The following CHD5 variants were observed in gnomAD, a reference collection of about 807,000 sequenced individuals.
CHD5 encodes chromodomain helicase DNA binding protein 5.
In CHD5, 69 loss-of-function variants were observed where a neutral mutation model predicts 230.3. The ratio of observed to expected loss-of-function variants is 0.30; its 90% CI spans 0.25 to 0.37. The LOEUF is 0.37. Among genes scored for constraint, CHD5 ranks in the 10% least tolerant of loss-of-function variants. CHD5 has a pLI of 1.00. For missense variants in CHD5, 1,827 were observed against 2,622.8 expected (o/e 0.70, Z 6.63); for synonymous variants, 1,064 against 1,065.9 (o/e 1.00, Z 0.03).
Position 6,130,351 on chromosome 1 carries a change from T to C in CHD5, c.3263-23A>G, listed in dbSNP as rs1666634981. ...GGGCTGAAAAAGAGAGGCCAGCAGA[T>C]GGGAGTGTTTGGGGGGGTACACCTT... On this transcript the variant is annotated intron_variant, in intron 21 of 41. Coordinates refer to ENST00000262450, the MANE Select transcript of CHD5 (RefSeq NM_015557.3). The surrounding 1 kb of genome is among the most constrained non-coding windows in gnomAD (Gnocchi z 4.9). 1.2e-6 allele frequency: 2 copies of C among 1,607,310 alleles called. No homozygotes were observed. Among genetic ancestry groups the C allele is most frequent in the African/African-American group, 2.7e-5 (2 of 74,004 alleles).
At chr1:6,171,030 GA>G (rs1667330448) in intron 1 of CHD5, among the ~76,000 whole-genome samples, 1 of 152,228 alleles carries the variant, frequency 6.6e-6, no homozygotes, top group South Asian at 2.1e-4. Flanking sequence ...ATGCAATCTC[GA>G]GGGGGGGCCT....
rs781663550 is a variant in CHD5, at chr1:6,112,964, G to T, written c.4947C>A (p.Asp1649Glu). Reference protein sequence around the residue: ...EVLPEKEKILDKLELSLIHSR... With the variant: ...EVLPEKEKILEKLELSLIHSR... ...TGTGGATCAAGCTCAGCTCCAGCTT[G>T]TCCAGGATCTTCTCCTTCTCAGGAA... Residue 1649 changes from aspartate to glutamate, a missense_variant, in exon 34 of 42, where the codon GAC becomes GAA. Asp to Glu is a conservative substitution (Grantham distance 45). This residue lies in a region of CHD5 where 272 missense variants were observed against 263.2 expected (regional missense o/e 1.03). Coordinates refer to ENST00000262450, the MANE Select transcript of CHD5 (RefSeq NM_015557.3). 4 of 1,613,982 alleles carry T rather than the reference G, an allele frequency of 2.5e-6. No homozygotes were observed. In the East Asian group the frequency reaches 8.9e-5, roughly 36 times the overall value.
intron 38 of CHD5, 122 bp downstream of exon 38, chr1:6,109,673 C>T (rs1666253790): frequency 3.7e-6 from 3 of 812,424 alleles, no homozygotes; most frequent in Non-Finnish European, 6.0e-6. Flanking sequence ...AAGTCCACCG[C>T]CCTCTGGGCT....
chr1:6,165,626 A>G (rs558051294), intron 2 of CHD5, among the ~76,000 whole-genome samples: 1 of 151,762 alleles, frequency 6.6e-6, no homozygotes, highest in South Asian at 2.1e-4. Context: ...CCTCCACCAG[A>G]CAGTCTCGGT....
intron 2 of CHD5, 45 bp from the exon 3 acceptor site, chr1:6,159,560 C>T: frequency 6.5e-7 from 1 of 1,538,004 alleles, no homozygotes; most frequent in Non-Finnish European, 8.9e-7. Context: ...GCCCCAGGAA[C>T]ATCCAGAGTC....
At position 6,159,341 on chromosome 1, in the gene CHD5, A is replaced by G; in HGVS notation, c.382T>C (p.Leu128=). 6.4e-7 allele frequency: 1 copy of G among 1,551,602 alleles called. No homozygotes were observed. Among genetic ancestry groups the G allele is most frequent in the Non-Finnish European group, 8.7e-7 (1 of 1,146,944 alleles). Residue 128 remains leucine, a synonymous_variant, in exon 3 of 42, where the codon TTA becomes CTA. Coordinates refer to ENST00000262450, the MANE Select transcript of CHD5 (RefSeq NM_015557.3). ...EDEDDNDDGC[L]KEPKSSGQLM... Reference sequence around the variant, plus strand: ...AGCCAGGCCTCCACAGTTACCTTTAAGCATCCATCATCATTATCATCCTCA... The same window carrying G: ...AGCCAGGCCTCCACAGTTACCTTTAGGCATCCATCATCATTATCATCCTCA...
intron 33 of CHD5, among the ~76,000 whole-genome samples, chr1:6,115,575 G>A (rs1666366873): frequency 6.6e-6 from 1 of 152,230 alleles, no homozygotes; most frequent in Non-Finnish European, 1.5e-5. Context: ...GACACACGAG[G>A]CTACATGGCA....
chr1:6,137,739 C>T (rs991612204), intron 15 of CHD5, among the ~76,000 whole-genome samples: 2 of 152,252 alleles, frequency 1.3e-5, no homozygotes, highest in Non-Finnish European at 2.9e-5. Context: ...AGGGACCCTG[C>T]ACTTGGGGTT....
In CHD5 at chr1:6,154,657, T is replaced by C; in HGVS notation, c.745+3A>G. 1.3e-6 allele frequency: 2 copies of C among 1,550,696 alleles called. No homozygotes were observed. The highest frequency in any genetic ancestry group is 8.7e-7 in the Non-Finnish European group (1 of 1,146,374). On this transcript the variant is annotated splice_donor_region_variant and intron_variant, in intron 5 of 41. Transcript: ENST00000262450. This position sits in a 1 kb window ranked among gnomAD's most constrained non-coding sequence, Gnocchi z 7.0. ...CTAGGTGCCCACCCAACCCCAGCCTTACCTTTGCCCTCCTTGGTCTTGGCC... is the reference window on the plus strand; with the variant it reads ...CTAGGTGCCCACCCAACCCCAGCCTCACCTTTGCCCTCCTTGGTCTTGGCC...
Position 6,125,464 on chromosome 1 carries a change from A to G in CHD5, c.4260+60T>C. On this transcript the variant is annotated intron_variant, in intron 28 of 41. Coordinates refer to ENST00000262450, the MANE Select transcript of CHD5 (RefSeq NM_015557.3). This position sits in a 1 kb window ranked among gnomAD's most constrained non-coding sequence, Gnocchi z 6.7. ...CGGGGCAGTCCCCCAGCCCTCCTCC[A>G]TACCCCAGGGGCAGCAGGAAGCAGG... The G allele has an allele frequency of 6.6e-7, 1 of 1,506,670 alleles. No individual in the cohort carries two copies. Among genetic ancestry groups the G allele is most frequent in the South Asian group, 1.2e-5 (1 of 82,590 alleles). The allele number at this position is 1,506,670 out of a possible 1,614,324, so 93.3% of individuals were successfully genotyped here.
In CHD5 at chr1:6,134,615, C is replaced by T; in HGVS notation, c.3012+103G>A. 4.0e-6 allele frequency: 5 copies of T among 1,249,584 alleles called. No homozygotes were observed. Among genetic ancestry groups the T allele is most frequent in the South Asian group, 1.3e-5 (1 of 77,614 alleles). The allele number at this position is 1,249,584 out of a possible 1,614,324, so 77.4% of individuals were successfully genotyped here. A position where few individuals can be genotyped will look rare whatever the true frequency, so the allele number is the denominator to read the frequency against. On this transcript the variant is annotated intron_variant, in intron 19 of 41. Coordinates refer to ENST00000262450, the MANE Select transcript of CHD5 (RefSeq NM_015557.3). The surrounding 1 kb of genome is among the most constrained non-coding windows in gnomAD (Gnocchi z 6.3). ...ACAGCCACAGAAATCGCCACAATGG[C>T]CAGGAGAACCTATCACAGCGGCCAC...
In CHD5 at chr1:6,152,509, C is replaced by G. The variant is rs201483063; in HGVS notation, c.773G>C (p.Gly258Ala). The change falls in exon 6 of 42, where the codon GGC becomes GCC. Residue 258 changes from glycine to alanine, a missense_variant. By Grantham distance (60) the Gly-to-Ala change is moderately conservative. Around this residue, in one of 14 missense-constraint regions of CHD5, gnomAD observed 657 missense variants for 816.4 expected, o/e 0.80. Transcript: ENST00000262450. ...GCCCTTTTTCTTCCCATCTTTGGAG[C>G]CTTTGATCTTCTTCCTCACTCCAGG... ...KGPGVRKKIK[G>A]SKDGKKKGKG... The G allele has an allele frequency of 9.4e-5, 151 of 1,614,116 alleles. 1 individual carries two copies. The Middle Eastern group carries it at 1.5e-3, about 16-fold the overall frequency.
intron 29 of CHD5, 110 bp from the exon 30 acceptor site, chr1:6,124,771 C>G: frequency 1.3e-6 from 1 of 760,802 alleles, no homozygotes. Context: ...CAACCATCGC[C>G]CACCTCCTAG....
In CHD5 at chr1:6,110,388, A is replaced by T; in HGVS notation, c.5382+6T>A. On this transcript the variant is annotated splice_donor_region_variant and intron_variant, in intron 37 of 41. Transcript: ENST00000262450. Reference sequence around the variant, plus strand: ...CCGTGCAGCCCTGGCCCTTCAGAAGACAGACCTTAAACCTGCGGGCCAGGA... The same window carrying T: ...CCGTGCAGCCCTGGCCCTTCAGAAGTCAGACCTTAAACCTGCGGGCCAGGA... The T allele has an allele frequency of 6.2e-7, 1 of 1,613,902 alleles. No individual in the cohort carries two copies. The highest frequency in any genetic ancestry group is 2.2e-5 in the East Asian group (1 of 44,880).
At chr1:6,163,615 G>A (rs570108529) in intron 2 of CHD5, among the ~76,000 whole-genome samples, 7 of 152,328 alleles carry the variant, frequency 4.6e-5, no homozygotes, top group African/African-American at 1.4e-4. Context: ...AGGACCTGGA[G>A]GGACGGAGCA....
At chr1:6,160,002 G>A (rs898901568) in intron 2 of CHD5, among the ~76,000 whole-genome samples, 40 of 152,064 alleles carry the variant, frequency 2.6e-4, no homozygotes, top group African/African-American at 8.7e-4. Flanking sequence ...AGCCAGGGAA[G>A]GGCCCCAGCC....
chr1:6,139,483 C>T lies in CHD5; in HGVS notation c.2437-2618G>A, dbSNP rs529576338. Reference sequence around the variant, plus strand: ...AACTCCTGACTTCAGGTGACCCACCCGCCTCGGCCTCCCAAAGTGCTGGGA... The same window carrying T: ...AACTCCTGACTTCAGGTGACCCACCTGCCTCGGCCTCCCAAAGTGCTGGGA... On this transcript the variant is annotated intron_variant, in intron 15 of 41. Transcript: ENST00000262450. Among the ~76,000 whole-genome samples the T allele has an allele frequency of 5.9e-5, 9 of 151,912 alleles. No individual in the cohort carries two copies. The South Asian group carries it at 1.5e-3, about 25-fold the overall frequency.
At chr1:6,172,612 A>C (rs1667355990) in intron 1 of CHD5, among the ~76,000 whole-genome samples, 1 of 152,054 alleles carries the variant, frequency 6.6e-6, no homozygotes, top group African/African-American at 2.4e-5. Context: ...GAACACAGGC[A>C]GTGGGCGCCC....
chr1:6,156,730 G>A lies in CHD5; in HGVS notation c.388-1013C>T, dbSNP rs1373006716. Among the ~76,000 whole-genome samples, 6 of 152,104 alleles carry A rather than the reference G, an allele frequency of 3.9e-5. No individual in the cohort carries two copies. The East Asian group carries it at 7.7e-4, about 20-fold the overall frequency. ...TCCAACTACTGCTGAGGCCTGGGGT[G>A]GAGGGACATCCTGGGGGCACAGCCC... On this transcript the variant is annotated intron_variant, in intron 3 of 41. Coordinates refer to ENST00000262450, the MANE Select transcript of CHD5 (RefSeq NM_015557.3).
Sources: allele counts gnomAD v4.1 joint callset (sites outside exome capture counted in the v4.1 genomes callset), GRCh38; gene constraint gnomAD v4.1.1; regional missense constraint gnomAD v4.1.1; non-coding constraint Gnocchi (gnomAD v3.1); transcripts MANE v1.5; gene names NCBI Gene and HGNC (gene_info 2026-07-23, HGNC 2026-07-21).